Variants in DDX31 observed in about 807,000 individuals in gnomAD.
DDX31 encodes the protein DEAD-box helicase 31, also known as ATP-dependent DNA helicase DDX31.
Under a neutral mutation model 91.3 loss-of-function variants are expected in DDX31, and 70 were observed. That is an observed-to-expected ratio of 0.77 (90% CI 0.63 to 0.94). The LOEUF (loss-of-function observed/expected upper bound fraction) is 0.94, where lower values mean the gene tolerates loss of function less well. DDX31 is among the 40% of genes least tolerant of loss of function. The pLI, the probability that DDX31 is intolerant of heterozygous loss-of-function variation, is 0.00. For missense variants in DDX31, 902 were observed against 925.0 expected (o/e 0.98, Z 0.32); for synonymous variants, 362 against 350.6 (o/e 1.03, Z -0.36).
At chr9:132,628,629 T>G (rs186996108) in intron 16 of DDX31, among the ~76,000 whole-genome samples, 96 of 152,362 alleles carry the variant, frequency 6.3e-4, no homozygotes, top group African/African-American at 2.2e-3. Context: ...CTGTTAACTC[T>G]GGCATTAGAC....
At chr9:132,632,282 A>ACACACACACACACAGTCCTG (rs1832832350) in intron 14 of DDX31, among the ~76,000 whole-genome samples, 191 bp from the exon 15 acceptor site, 3 of 133,350 alleles carry the variant, frequency 2.2e-5, no homozygotes, top group Non-Finnish European at 4.8e-5. Context: ...ACACACACAC[A>ACACACACACACACAGTCCTG]CACACACACA....
At chr9:132,663,760 T>C (rs555561568) in intron 1 of DDX31, among the ~76,000 whole-genome samples, 1 of 152,368 alleles carries the variant, frequency 6.6e-6, no homozygotes, top group African/African-American at 2.4e-5. Flanking sequence ...CTAAGGATTC[T>C]TTTACCTAAG....
rs1290596526 is a variant in DDX31 at position 132,595,796 on chromosome 9, C to T, written c.1995-684G>A. 1.3e-5 allele frequency among the ~76,000 whole-genome samples: 2 copies of T among 152,208 alleles called. No homozygotes were observed. Among genetic ancestry groups the T allele is most frequent in the East Asian group, 3.8e-4 (2 of 5,202 alleles). ...ACCCGGGTGTTAGAGGGAGGTCTCT[C>T]CCTACCCTAAGTCACTCAGAAAATG... On this transcript the variant is annotated intron_variant, in intron 19 of 19. Transcript: ENST00000372159. This position sits in a 1 kb window ranked among gnomAD's most constrained non-coding sequence, Gnocchi z 4.6.
intron 15 of DDX31, 136 bp from the exon 16 acceptor site, chr9:132,630,539 A>G (rs1832658817): frequency 1.2e-6 from 1 of 866,496 alleles, no homozygotes; most frequent in Non-Finnish European, 1.6e-6. Flanking sequence ...CACAATCACA[A>G]GGAGAAGTCA....
intron 16 of DDX31, among the ~76,000 whole-genome samples, chr9:132,627,862 C>T (rs1294964809): frequency 6.6e-6 from 1 of 152,216 alleles, no homozygotes; most frequent in Admixed American, 6.5e-5. Context: ...GTGCCTCAGC[C>T]CTCCCAACGC....
chr9:132,635,554 C>T (rs571386818), intron 14 of DDX31, among the ~76,000 whole-genome samples: 12 of 150,236 alleles, frequency 8.0e-5, no homozygotes, highest in African/African-American at 1.2e-4. Context: ...CTGCCCGCCT[C>T]GGCCTCCCAA....
intron 1 of DDX31, among the ~76,000 whole-genome samples, chr9:132,667,909 C>A (rs923372855): frequency 2.0e-5 from 3 of 152,124 alleles, no homozygotes; most frequent in African/African-American, 2.4e-5. Context: ...CTCAATGAAT[C>A]CTTACAATAG....
Position 132,662,599 on chromosome 9 carries a change from T to C in DDX31, c.172A>G (p.Ser58Gly), listed in dbSNP as rs1481545595. 9.9e-6 allele frequency: 16 copies of C among 1,614,232 alleles called. No individual in the cohort carries two copies. The highest frequency in any genetic ancestry group is 1.3e-5 in the African/African-American group (1 of 75,058). The part of the protein sequence containing the change: ...ETSFLPAKKT[S>G]VKETQRTFKG... The stretch of plus-strand genomic sequence containing the variant: ...AAAGTCCTCTGAGTTTCTTTAACAC[T>C]AGTTTTCTTGGCTGGGAGAAATGAA... Residue 58 changes from serine (S) to glycine (G), a missense_variant, in exon 2 of 20, where the codon AGT becomes GGT. Transcript: ENST00000372159.
At chr9:132,622,321 G>A (rs557185703) in intron 17 of DDX31, among the ~76,000 whole-genome samples, 1 of 152,072 alleles carries the variant, frequency 6.6e-6, no homozygotes, top group East Asian at 1.9e-4. Context: ...CACTCCTCAA[G>A]TCTCAGGAAG....
chr9:132,618,873 C>G (rs902343676), intron 17 of DDX31, among the ~76,000 whole-genome samples: 1 of 152,352 alleles, frequency 6.6e-6, no homozygotes, highest in Admixed American at 6.5e-5. Flanking sequence ...CATGAGCACT[C>G]CACAGTGACC....
At chr9:132,598,744 G>A (rs17149330) in intron 19 of DDX31, among the ~76,000 whole-genome samples, 2,581 of 152,256 alleles carry the variant, frequency 0.017, 38 homozygotes, top group African/African-American at 0.04. Context: ...TTTATGTACC[G>A]TTAAGGCTAT....
At chr9:132,618,863 C>T (rs533179020) in intron 17 of DDX31, among the ~76,000 whole-genome samples, 1 of 152,348 alleles carries the variant, frequency 6.6e-6, no homozygotes, top group South Asian at 2.1e-4. Context: ...AATTTCTCTT[C>T]ATGAGCACTC....
chr9:132,605,451 C>T (rs1432924757), intron 19 of DDX31, among the ~76,000 whole-genome samples: 2 of 152,204 alleles, frequency 1.3e-5, no homozygotes, highest in East Asian at 1.9e-4. Flanking sequence ...AACGCAAACA[C>T]CACAAAACCT....
chr9:132,659,135 G>C (rs540714422), intron 5 of DDX31, among the ~76,000 whole-genome samples: 5 of 152,318 alleles, frequency 3.3e-5, no homozygotes, highest in African/African-American at 1.2e-4. Flanking sequence ...GTGATTGGGA[G>C]CCAGTCTGTA....
chr9:132,602,906 T>C lies in DDX31; in HGVS notation c.1995-7794A>G, dbSNP rs547021055. Among the ~76,000 whole-genome samples, 6 of 152,338 alleles carry C rather than the reference T, an allele frequency of 3.9e-5. No individual in the cohort carries two copies. The South Asian group carries it at 1.2e-3, about 32-fold the overall frequency. Reference sequence around the variant, plus strand: ...TCTCCTTGTGTTCATATACTTGCTATTTCACCCAATACAGATTCTAGAAAC... The same window carrying C: ...TCTCCTTGTGTTCATATACTTGCTACTTCACCCAATACAGATTCTAGAAAC... On this transcript the variant is annotated intron_variant, in intron 19 of 19. Coordinates refer to ENST00000372159, the MANE Select transcript of DDX31 (RefSeq NM_022779.9).
chr9:132,606,463 T>C (rs553603498), intron 19 of DDX31, among the ~76,000 whole-genome samples: 8 of 152,346 alleles, frequency 5.3e-5, no homozygotes, highest in Admixed American at 2.6e-4. Flanking sequence ...TGAAGTTCAC[T>C]TTTCGTACTC....
chr9:132,643,934 A>C (rs1833657280), intron 13 of DDX31, among the ~76,000 whole-genome samples: 3 of 152,040 alleles, frequency 2.0e-5, no homozygotes, highest in South Asian at 4.2e-4. Flanking sequence ...AAAAAAAAAA[A>C]CCTACCAAAC....
Position 132,618,432 on chromosome 9 carries a change from C to A in DDX31, c.1723G>T (p.Ala575Ser), listed in dbSNP as rs757408114. Reference sequence around the variant, plus strand: ...TCTCGGATTTCCTGGGGGCCAACAGCATGGGATTTCTGAGAGGGCGACGGA... The same window carrying A: ...TCTCGGATTTCCTGGGGGCCAACAGAATGGGATTTCTGAGAGGGCGACGGA... ...GKRWGAQKSH[A>S]VGPQEIRERA... The change falls in exon 18 of 20, where the codon GCT (alanine) becomes TCT (serine). Residue 575 changes from alanine (A) to serine (S), a missense_variant. Ala to Ser is a moderately conservative substitution (Grantham distance 99, BLOSUM62 1). Coordinates refer to ENST00000372159, the MANE Select transcript of DDX31 (RefSeq NM_022779.9). The A allele has an allele frequency of 3.7e-6, 6 of 1,609,980 alleles. No individual in the cohort carries two copies. Among genetic ancestry groups the A allele is most frequent in the Non-Finnish European group, 5.1e-6 (6 of 1,178,208 alleles).
chr9:132,642,834 A>ATT (rs764596713), intron 13 of DDX31, among the ~76,000 whole-genome samples: 8 of 142,568 alleles, frequency 5.6e-5, no homozygotes, highest in Admixed American at 1.4e-4. Flanking sequence ...GTTGTCTCTG[A>ATT]TTTTTTTTTT....
Sources: allele counts gnomAD v4.1 joint callset (sites outside exome capture counted in the v4.1 genomes callset), GRCh38; gene constraint gnomAD v4.1.1; non-coding constraint Gnocchi (gnomAD v3.1); transcripts MANE v1.5; gene names NCBI Gene and HGNC (gene_info 2026-07-23, HGNC 2026-07-21).